The following APP variants were observed in gnomAD, a reference collection of about 807,000 sequenced individuals.
The protein encoded by APP is amyloid-beta precursor protein.
APP carries 31 observed loss-of-function variants against 101.4 expected under a neutral mutation model. The observed-to-expected ratio is 0.31, with a 90% confidence interval of 0.23 to 0.41. The LOEUF is 0.41. APP is among the 10% of genes least tolerant of loss of function. The pLI, the probability that APP is intolerant of heterozygous loss-of-function variation, is 1.00. For synonymous variants in APP, 366 were observed against 364.4 expected, an observed-to-expected ratio of 1.00 and a Z score of -0.05; for missense variants, 839 against 1,003.7, an observed-to-expected ratio of 0.84 and a Z score of 2.22.
Position 25,973,943 on chromosome 21 carries a change from T to TA in APP, c.1458+1126dup, listed in dbSNP as rs369334912. Reference sequence around the variant, plus strand: ...TGACAGAGTGAGACTCCATCTCATTTAAAAAAAAAAAAAAAAAAAAAGAAC... The same window carrying TA: ...TGACAGAGTGAGACTCCATCTCATTTAAAAAAAAAAAAAAAAAAAAAAGAAC... On this transcript the variant is annotated intron_variant, in intron 11 of 17. Transcript: ENST00000346798. Among the ~76,000 whole-genome samples the TA allele has an allele frequency of 6.1e-3, 680 of 111,102 alleles. 9 individuals carry two copies. Among genetic ancestry groups the TA allele is most frequent in the East Asian group, 0.011 (40 of 3,724 alleles). The allele number at this position is 111,102 out of a possible 152,430, so 72.9% of individuals were successfully genotyped here.
chr21:25,904,961 G>T, intron 15 of APP, 63 bp downstream of exon 15: 1 of 1,407,270 alleles, frequency 7.1e-7, no homozygotes, highest in Non-Finnish European at 1.0e-6. Context: ...GCAGAAAGGA[G>T]ACAACGTCTG....
chr21:26,162,114 C>A (rs1448146164), intron 1 of APP, among the ~76,000 whole-genome samples: 1 of 152,154 alleles, frequency 6.6e-6, no homozygotes, highest in African/African-American at 2.4e-5. Context: ...ATCGCTTGAG[C>A]CCAGGAGTTC....
chr21:25,964,045 G>C (rs1385387299), intron 11 of APP, among the ~76,000 whole-genome samples: 1 of 152,184 alleles, frequency 6.6e-6, no homozygotes, highest in Non-Finnish European at 1.5e-5. Context: ...CCATTAGATG[G>C]AAGGATATTG....
intron 5 of APP, among the ~76,000 whole-genome samples, chr21:26,038,964 T>C (rs1047104306): frequency 6.6e-6 from 1 of 152,206 alleles, no homozygotes; most frequent in African/African-American, 2.4e-5. Flanking sequence ...AAAGATTATA[T>C]ATGAGGGTAA....
intron 3 of APP, among the ~76,000 whole-genome samples, chr21:26,057,801 ACT>A (rs2046103160): frequency 6.6e-6 from 1 of 151,922 alleles, no homozygotes; most frequent in African/African-American, 2.4e-5. Context: ...ACTCATTTAA[ACT>A]CTGTTCAAAA....
chr21:25,955,065 G>GC (rs5843192), intron 12 of APP, among the ~76,000 whole-genome samples: 151,969 of 151,970 alleles, frequency 1, 75,984 homozygotes, highest in Middle Eastern at 1. Context: ...GGACCCTCAT[G>GC]CCTAAATACA....
At position 26,091,962 on chromosome 21, in the gene APP, T is replaced by C. The variant is rs541928847; in HGVS notation, c.226-1890A>G. Reference sequence around the variant, plus strand: ...CGATACACGGAATTTCACTCACAATTGTCCATGACATTCAGAGGGCTTGAC... The same window carrying C: ...CGATACACGGAATTTCACTCACAATCGTCCATGACATTCAGAGGGCTTGAC... On this transcript the variant is annotated intron_variant, in intron 2 of 17. Transcript: ENST00000346798. Among the ~76,000 whole-genome samples, 241 of 152,248 alleles carry C rather than the reference T, an allele frequency of 1.6e-3. 1 individual carries two copies. The highest frequency in any genetic ancestry group is 5.7e-3 in the African/African-American group (236 of 41,548).
chr21:26,003,698 T>G (rs1337539331), intron 6 of APP, among the ~76,000 whole-genome samples: 1 of 152,228 alleles, frequency 6.6e-6, no homozygotes, highest in Non-Finnish European at 1.5e-5. Context: ...ACATGGAGGA[T>G]GAGCAGATAG....
At chr21:26,132,064 T>TA (rs2062808637) in intron 1 of APP, among the ~76,000 whole-genome samples, 1 of 152,018 alleles carries the variant, frequency 6.6e-6, no homozygotes, top group Non-Finnish European at 1.5e-5. Context: ...CAGAGTCAGT[T>TA]AAAAAAATAA....
At chr21:26,077,075 AAAAG>A (rs1221141936) in intron 3 of APP, among the ~76,000 whole-genome samples, 8 of 151,830 alleles carry the variant, frequency 5.3e-5, no homozygotes, top group East Asian at 3.9e-4. Context: ...AAAAAAAAAA[AAAAG>A]AAAGAAAGAA....
At chr21:26,128,799 C>A (rs9977911) in intron 1 of APP, among the ~76,000 whole-genome samples, 147,226 of 152,304 alleles carry the variant, frequency 0.97, 71,296 homozygotes, top group African/African-American at 0.99. Context: ...TGACCGTGGG[C>A]CACTTCCATT....
chr21:26,062,873 C>A (rs1436528233), intron 3 of APP, among the ~76,000 whole-genome samples: 1 of 151,982 alleles, frequency 6.6e-6, no homozygotes, highest in African/African-American at 2.4e-5. Context: ...GGTGATCCTC[C>A]CACCTCAGCT....
intron 8 of APP, among the ~76,000 whole-genome samples, chr21:25,995,897 T>G (rs2043036705): frequency 1.3e-5 from 2 of 152,082 alleles, no homozygotes; most frequent in African/African-American, 4.8e-5. Flanking sequence ...ATCTATAATT[T>G]ATCATCTTTA....
chr21:26,160,926 C>G (rs1032899361), intron 1 of APP, among the ~76,000 whole-genome samples: 3 of 151,930 alleles, frequency 2.0e-5, no homozygotes, highest in African/African-American at 7.3e-5. Flanking sequence ...ATTTATGAAA[C>G]CTTTTCACAA....
chr21:26,033,768 T>C (rs533389519), intron 5 of APP, among the ~76,000 whole-genome samples: 1 of 152,292 alleles, frequency 6.6e-6, no homozygotes, highest in Admixed American at 6.5e-5. Context: ...AAGGCGGTGC[T>C]CGTGAAGCCT....
intron 17 of APP, among the ~76,000 whole-genome samples, chr21:25,886,775 C>CA (rs953365289): frequency 3.0e-5 from 3 of 99,400 alleles, no homozygotes; most frequent in Non-Finnish European, 5.3e-5. Flanking sequence ...AGGTTCTGCA[C>CA]CCCCCCTCAC....
chr21:26,162,992 C>T (rs1017122176), intron 1 of APP, among the ~76,000 whole-genome samples: 4 of 149,390 alleles, frequency 2.7e-5, no homozygotes, highest in African/African-American at 9.9e-5. Context: ...CTTTGGGAGG[C>T]CTAGGTGGGT....
intron 9 of APP, 62 bp downstream of exon 9, chr21:25,982,282 G>A: frequency 6.4e-7 from 1 of 1,569,490 alleles, no homozygotes; most frequent in South Asian, 1.1e-5. Flanking sequence ...GGGAGACTGA[G>A]GCAGAGGCAA....
chr21:25,995,460 AT>A (rs11315241), intron 8 of APP, among the ~76,000 whole-genome samples: 152,297 of 152,298 alleles, frequency 1, 76,148 homozygotes, highest in Non-Finnish European at 1. Flanking sequence ...CCAAAACGTC[AT>A]TTTGGGTTTC....
Sources: allele counts gnomAD v4.1 joint callset (sites outside exome capture counted in the v4.1 genomes callset), GRCh38; gene constraint gnomAD v4.1.1; transcripts MANE v1.5; gene names NCBI Gene and HGNC (gene_info 2026-07-23, HGNC 2026-07-21).